Variants in AANAT observed in about 807,000 individuals in gnomAD.
AANAT encodes serotonin N-acetyltransferase.
A neutral mutation model predicts 15.6 loss-of-function variants in AANAT; 11 were observed. The observed-to-expected ratio is 0.71, with a 90% CI of 0.44 to 1.17. AANAT has a LOEUF of 1.17. Ranked by LOEUF, AANAT falls within the 50% of genes most tolerant of loss-of-function variation. The pLI is 0.00. For missense variants in AANAT, 286 were observed against 296.3 expected (o/e 0.97, Z 0.26); for synonymous variants, 139 against 131.5 (o/e 1.06, Z -0.39).
chr17:76,456,334 G>GA (rs60616607), intron 1 of AANAT, among the ~76,000 whole-genome samples: 11,470 of 142,500 alleles, frequency 0.08, 634 homozygotes, highest in Non-Finnish European at 0.12. Flanking sequence ...TCCATCTCAG[G>GA]AAAAAAAAAA....
Position 76,469,088 on chromosome 17 carries a change from C to A in AANAT, c.164-85C>A. On this transcript the variant is annotated intron_variant, in intron 2 of 3. Coordinates refer to ENST00000392492, the MANE Select transcript of AANAT (RefSeq NM_001088.3). This position sits in a 1 kb window ranked among gnomAD's most constrained non-coding sequence, Gnocchi z 5.2. ...CCCCATTTTCCTGTGGGGAACGGGG[C>A]ATCTGAGTGGACACTCGGGGTGCAG... The A allele has an allele frequency of 1.3e-6, 2 of 1,572,712 alleles. No individual in the cohort carries two copies. The highest frequency in any genetic ancestry group is 8.7e-7 in the Non-Finnish European group (1 of 1,151,930).
chr17:76,469,200 C>T lies in AANAT; in HGVS notation c.191C>T (p.Pro64Leu). The change falls in exon 3 of 4, where the codon CCC becomes CTC. Residue 64 changes from proline to leucine, a missense_variant. Transcript: ENST00000392492. This position sits in a 1 kb window ranked among gnomAD's most constrained non-coding sequence, Gnocchi z 5.2. Reference sequence around the variant, plus strand: ...TTCATCTCCGTCTTGGGCGTCTGCCCCCTGTACCTGGATGAGATCCGGCAC... The same window carrying T: ...TTCATCTCCGTCTTGGGCGTCTGCCTCCTGTACCTGGATGAGATCCGGCAC... ...EAFISVLGVC[P>L]LYLDEIRHFL... is the part of the protein sequence containing the mutation. The T allele has an allele frequency of 6.2e-7, 1 of 1,614,162 alleles. No homozygotes were observed. The highest frequency in any genetic ancestry group is 1.1e-5 in the South Asian group (1 of 91,090).
chr17:76,469,815 G>A lies in AANAT; in HGVS notation c.469G>A (p.Ala157Thr), dbSNP rs770524125. ...LGSQPAVRRA[A>T]LMCEDALVPF... ...CAGCCAGCCGGCCGTGCGCCGGGCC[G>A]CGCTCATGTGCGAGGACGCGCTGGT... The change falls in exon 4 of 4, where the codon GCG becomes ACG. Residue 157 changes from alanine to threonine, a missense_variant. Coordinates refer to ENST00000392492, the MANE Select transcript of AANAT (RefSeq NM_001088.3). This position sits in a 1 kb window ranked among gnomAD's most constrained non-coding sequence, Gnocchi z 5.2. 31 of 1,604,000 alleles carry A rather than the reference G, an allele frequency of 1.9e-5. 1 individual carries two copies. Among genetic ancestry groups the A allele is most frequent in the South Asian group, 8.9e-5 (8 of 89,486 alleles).
intron 1 of AANAT, among the ~76,000 whole-genome samples, chr17:76,457,104 G>A (rs1465835377): frequency 2.0e-5 from 3 of 152,066 alleles, no homozygotes; most frequent in Non-Finnish European, 2.9e-5. Flanking sequence ...GTGCAGTAGC[G>A]TGATCTTGAC....
intron 1 of AANAT, among the ~76,000 whole-genome samples, chr17:76,456,207 T>G (rs540105436): frequency 6.6e-6 from 1 of 151,978 alleles, no homozygotes; most frequent in South Asian, 2.1e-4. Flanking sequence ...AGCCCATGCC[T>G]GTAATCCCAG....
intron 2 of AANAT, among the ~76,000 whole-genome samples, chr17:76,460,966 A>G (rs2073382760): frequency 6.6e-6 from 1 of 151,972 alleles, no homozygotes; most frequent in African/African-American, 2.4e-5. Flanking sequence ...GGAGTTTGAG[A>G]CTGGCCTGGC....
chr17:76,468,864 C>T lies in AANAT; in HGVS notation c.118C>T (p.Leu40Phe). The change falls in exon 2 of 4, where the codon CTC (leucine) becomes TTC (phenylalanine). Residue 40 changes from leucine to phenylalanine, a missense_variant. Leu to Phe is a conservative substitution (Grantham distance 22, BLOSUM62 0). Transcript: ENST00000392492. The part of the protein sequence containing the change: ...HTLPASEFRC[L>F]TPEDAVSAFE... Reference sequence around the variant, plus strand: ...ACTCCCTGCCAGTGAGTTTCGCTGCCTCACCCCGGAGGACGCTGTCAGCGC... The same window carrying T: ...ACTCCCTGCCAGTGAGTTTCGCTGCTTCACCCCGGAGGACGCTGTCAGCGC... 4 of 1,613,656 alleles carry T rather than the reference C, an allele frequency of 2.5e-6. No homozygotes were observed. The South Asian group carries it at 3.3e-5, about 13-fold the overall frequency.
In AANAT at chr17:76,470,003, C is replaced by T. The variant is rs72466449; in HGVS notation, c.*33C>T. 8.5e-3 allele frequency: 12,288 copies of T among 1,446,772 alleles called. 67 individuals carry two copies. Among genetic ancestry groups the T allele is most frequent in the Non-Finnish European group, 0.01 (11,259 of 1,095,984 alleles). The allele number at this position is 1,446,772 out of a possible 1,614,324, so 89.6% of individuals were successfully genotyped here. ...TGCCCACCTGGCTGCCAACATGATC[C>T]CCGTCTCTGCCCTGGGCTCCTCTTA... On this transcript the variant is annotated 3_prime_UTR_variant, in exon 4 of 4. Transcript: ENST00000392492.
At position 76,469,609 on chromosome 17, in the gene AANAT, G is replaced by C. The variant is rs545633399; in HGVS notation, c.319-56G>C. 8.5e-4 allele frequency: 1,217 copies of C among 1,425,742 alleles called. 11 individuals carry two copies. The highest frequency in any genetic ancestry group is 2.2e-4 in the Non-Finnish European group (243 of 1,090,866). The allele number at this position is 1,425,742 out of a possible 1,614,324, so 88.3% of individuals were successfully genotyped here. A position where few individuals can be genotyped will look rare whatever the true frequency, so the allele number is the denominator to read the frequency against. ...GCTCCCTGCCTGGGTTGGTGGTTGG[G>C]GGGGAGCACGTGTCAGCAGAAGTGA... On this transcript the variant is annotated intron_variant, in intron 3 of 3. Transcript: ENST00000392492. The surrounding 1 kb of genome is among the most constrained non-coding windows in gnomAD (Gnocchi z 5.2).
At chr17:76,467,874 C>T (rs2073456572) in intron 1 of AANAT, 147 bp downstream of exon 1, 1 of 374,672 alleles carries the variant, frequency 2.7e-6, no homozygotes, top group Non-Finnish European at 3.7e-6. Flanking sequence ...CCTCTAAGAA[C>T]TGCAAATCTG....
chr17:76,469,452 C>CCA lies in AANAT; in HGVS notation c.318+128_318+129dup. Reference sequence around the variant, plus strand: ...CCAGAACTGGAGAGATGAGTACAGGCCACAGGCCCCTCCCAGAGCAAGACC... The same window carrying CCA: ...CCAGAACTGGAGAGATGAGTACAGGCCACACAGGCCCCTCCCAGAGCAAGACC... On this transcript the variant is annotated intron_variant, in intron 3 of 3. Coordinates refer to ENST00000392492, the MANE Select transcript of AANAT (RefSeq NM_001088.3). The surrounding 1 kb of genome is among the most constrained non-coding windows in gnomAD (Gnocchi z 5.2). 1.5e-6 allele frequency: 2 copies of CCA among 1,360,296 alleles called. No homozygotes were observed. The highest frequency in any genetic ancestry group is 2.0e-6 in the Non-Finnish European group (2 of 1,001,086). The allele number at this position is 1,360,296 out of a possible 1,614,324, so 84.3% of individuals were successfully genotyped here.
At chr17:76,464,341 T>TAAAA (rs553446724), upstream of AANAT, among the ~76,000 whole-genome samples, 96 of 133,554 alleles carry the variant, frequency 7.2e-4, no homozygotes, top group African/African-American at 2.5e-3. Flanking sequence ...GACTCTGTCT[T>TAAAA]AAAAAAAAAA....
At chr17:76,467,390 G>A (rs566991681), upstream of AANAT, among the ~76,000 whole-genome samples, 4 of 152,236 alleles carry the variant, frequency 2.6e-5, no homozygotes, top group South Asian at 8.3e-4. Context: ...ATGGACCCCT[G>A]AGGCTTAGCC....
upstream of AANAT, among the ~76,000 whole-genome samples, chr17:76,465,487 C>T (rs2073428627): frequency 1.3e-5 from 2 of 151,990 alleles, no homozygotes; most frequent in Admixed American, 6.6e-5. Flanking sequence ...AGGTGTGTGC[C>T]ACCATGCTTG....
upstream of AANAT, among the ~76,000 whole-genome samples, chr17:76,464,695 G>A (rs532492255): frequency 9.2e-5 from 14 of 152,038 alleles, no homozygotes; most frequent in East Asian, 1.9e-3. Flanking sequence ...GAGCCACGAC[G>A]TCAAGCCATT....
At chr17:76,463,309 C>CTT (rs60885549), upstream of AANAT, among the ~76,000 whole-genome samples, 26,666 of 111,506 alleles carry the variant, frequency 0.24, 3,699 homozygotes, top group East Asian at 0.44. Context: ...GGAAGGATTC[C>CTT]TTTTTTTTTT....
chr17:76,470,046 G>T lies in AANAT; in HGVS notation c.*76G>T. On this transcript the variant is annotated 3_prime_UTR_variant, in exon 4 of 4. Coordinates refer to ENST00000392492, the MANE Select transcript of AANAT (RefSeq NM_001088.3). ...TCCTCTTAGCTCAGCTGAGCATGGAGACAGCAGTTTCCAGAGAGTGGAGAG... is the reference window on the plus strand; with the variant it reads ...TCCTCTTAGCTCAGCTGAGCATGGATACAGCAGTTTCCAGAGAGTGGAGAG... 2 of 1,374,608 alleles carry T rather than the reference G, an allele frequency of 1.5e-6. No individual in the cohort carries two copies. Among genetic ancestry groups the T allele is most frequent in the Non-Finnish European group, 1.9e-6 (2 of 1,040,658 alleles). The allele number at this position is 1,374,608 out of a possible 1,614,324, so 85.2% of individuals were successfully genotyped here. A position where few individuals can be genotyped will look rare whatever the true frequency, so the allele number is the denominator to read the frequency against.
At chr17:76,468,998 G>A in intron 2 of AANAT, 89 bp downstream of exon 2, 1 of 1,505,728 alleles carries the variant, frequency 6.6e-7, no homozygotes, top group Non-Finnish European at 9.1e-7. Flanking sequence ...TGTCCTTGGA[G>A]GCTGGGTCCC....
At position 76,460,171 on chromosome 17, in the gene AANAT, CAG is replaced by C. The variant is rs1313180876; in HGVS notation, c.-456+808_-456+809del. On this transcript the variant is annotated intron_variant, in intron 2 of 6. Coordinates refer to the AANAT transcript ENST00000250615. ...TTTTTTTTTTTTTTTTTTTTTGAGA[CAG>C]AGTCTCTCTCTGTTGCTCAGGCTGG... Among the ~76,000 whole-genome samples the C allele has an allele frequency of 1.4e-3, 99 of 72,126 alleles. 2 individuals carry two copies. Among genetic ancestry groups the C allele is most frequent in the South Asian group, 9.9e-3 (22 of 2,230 alleles). 47.3% of individuals were successfully genotyped at this position (72,126 alleles called of 152,430 possible). A position where few individuals can be genotyped will look rare whatever the true frequency, so the allele number is the denominator to read the frequency against.
Sources: allele counts gnomAD v4.1 joint callset (sites outside exome capture counted in the v4.1 genomes callset), GRCh38; gene constraint gnomAD v4.1.1; non-coding constraint Gnocchi (gnomAD v3.1); transcripts MANE v1.5; gene names NCBI Gene and HGNC (gene_info 2026-07-23, HGNC 2026-07-21).